The following CLDN10 variants were observed in gnomAD, a reference collection of about 807,000 sequenced individuals.
The protein encoded by CLDN10 is claudin 10.
In CLDN10, 15 loss-of-function variants were observed where a neutral mutation model predicts 22.9. The observed-to-expected ratio is 0.65, with a 90% CI of 0.44 to 1.01. The LOEUF (loss-of-function observed/expected upper bound fraction) is 1.01, where lower values mean the gene tolerates loss of function less well. Ranked by LOEUF, CLDN10 falls within the 50% of genes least tolerant of loss-of-function variation. CLDN10 has a pLI of 0.00. For synonymous variants in CLDN10, 114 were observed against 111.4 expected, an observed-to-expected ratio of 1.02 and a Z score of -0.15; for missense variants, 247 against 287.8, an observed-to-expected ratio of 0.86 and a Z score of 1.03.
intron 1 of CLDN10, among the ~76,000 whole-genome samples, chr13:95,546,185 A>C (rs1384130178): frequency 1.3e-5 from 2 of 152,158 alleles, no homozygotes; most frequent in African/African-American, 4.8e-5. Context: ...AACTGTCTTA[A>C]TGCATTTTGT....
At chr13:95,560,494 C>T in intron 3 of CLDN10, 31 bp downstream of exon 3, 1 of 1,522,564 alleles carries the variant, frequency 6.6e-7, no homozygotes, top group Non-Finnish European at 9.1e-7. Flanking sequence ...GTTTCCAGCT[C>T]ACAGGAAGTG....
At chr13:95,560,533 A>T in intron 3 of CLDN10, 70 bp downstream of exon 3, 2 of 1,238,738 alleles carry the variant, frequency 1.6e-6, no homozygotes, top group Non-Finnish European at 2.3e-6. Flanking sequence ...CAACCAAGAG[A>T]CATGAATTTC....
At chr13:95,455,679 T>C (rs892790210) in intron 1 of CLDN10, among the ~76,000 whole-genome samples, 2 of 152,256 alleles carry the variant, frequency 1.3e-5, no homozygotes, top group African/African-American at 4.8e-5. Context: ...GTTTGCATTT[T>C]ACCTTTCATT....
intron 1 of CLDN10, among the ~76,000 whole-genome samples, chr13:95,506,823 C>T (rs527886402): frequency 1.6e-4 from 25 of 152,292 alleles, no homozygotes; most frequent in African/African-American, 5.5e-4. Context: ...ACCCCACAAA[C>T]TCCTAAAAGT....
intron 1 of CLDN10, among the ~76,000 whole-genome samples, chr13:95,447,347 C>A (rs937920275): frequency 1.3e-5 from 2 of 152,212 alleles, no homozygotes; most frequent in African/African-American, 4.8e-5. Flanking sequence ...CCTTCCTTGA[C>A]GCGGCGCCTG....
At chr13:95,465,882 T>C (rs1469712573) in intron 1 of CLDN10, among the ~76,000 whole-genome samples, 2 of 152,230 alleles carry the variant, frequency 1.3e-5, no homozygotes, top group Non-Finnish European at 2.9e-5. Context: ...ACTTGGATTT[T>C]GTCAAATGTA....
intron 1 of CLDN10, among the ~76,000 whole-genome samples, chr13:95,496,283 T>C (rs2138527556): frequency 6.6e-6 from 1 of 152,348 alleles, no homozygotes; most frequent in East Asian, 1.9e-4. Context: ...CTTTGAGATA[T>C]TCATAAGTGG....
chr13:95,456,578 C>T (rs561953037), intron 1 of CLDN10, among the ~76,000 whole-genome samples: 10 of 152,022 alleles, frequency 6.6e-5, no homozygotes, highest in Admixed American at 2.0e-4. Flanking sequence ...CATAATAAGA[C>T]GCCTGTCTCC....
intron 1 of CLDN10, among the ~76,000 whole-genome samples, chr13:95,452,076 G>A (rs1255361467): frequency 2.0e-5 from 3 of 152,112 alleles, no homozygotes; most frequent in African/African-American, 7.2e-5. Flanking sequence ...ATCTATTCTG[G>A]AATTTTCCTA....
chr13:95,562,372 C>A (rs1404083368), intron 3 of CLDN10, among the ~76,000 whole-genome samples: 1 of 152,172 alleles, frequency 6.6e-6, no homozygotes, highest in East Asian at 1.9e-4. Flanking sequence ...CATGCCCAGC[C>A]TTTTCTATAC....
chr13:95,566,413 T>A (rs2043788384), intron 3 of CLDN10, among the ~76,000 whole-genome samples: 1 of 152,248 alleles, frequency 6.6e-6, no homozygotes, highest in Non-Finnish European at 1.5e-5. Flanking sequence ...GTTGGCTGCA[T>A]AAATGTCTTC....
intron 3 of CLDN10, among the ~76,000 whole-genome samples, chr13:95,564,765 A>G (rs1299448692): frequency 5.3e-5 from 8 of 152,294 alleles, no homozygotes; most frequent in Non-Finnish European, 2.9e-5. Context: ...GATGAGGAAA[A>G]AATGAGTGGC....
chr13:95,437,977 C>T (rs1041494784), intron 1 of CLDN10, among the ~76,000 whole-genome samples: 1 of 152,190 alleles, frequency 6.6e-6, no homozygotes, highest in Non-Finnish European at 1.5e-5. Context: ...AGAAGTTTCC[C>T]AAAGAATTAT....
intron 1 of CLDN10, among the ~76,000 whole-genome samples, chr13:95,444,423 C>A (rs1028139790): frequency 3.7e-4 from 56 of 152,348 alleles, no homozygotes; most frequent in Non-Finnish European, 3.1e-4. Flanking sequence ...AATCATTCAG[C>A]AGATTCCTGG....
At chr13:95,498,828 C>G (rs777590233) in intron 1 of CLDN10, among the ~76,000 whole-genome samples, 1 of 152,234 alleles carries the variant, frequency 6.6e-6, no homozygotes, top group Non-Finnish European at 1.5e-5. Context: ...CAAGCAATTT[C>G]CAGAACTTTT....
intron 1 of CLDN10, among the ~76,000 whole-genome samples, chr13:95,437,737 G>A (rs898006923): frequency 6.6e-6 from 1 of 152,216 alleles, no homozygotes; most frequent in East Asian, 1.9e-4. Flanking sequence ...TGAGGAGCGA[G>A]TGAGGAAATG....
chr13:95,518,425 A>G (rs1193866556), intron 1 of CLDN10, among the ~76,000 whole-genome samples: 3 of 152,128 alleles, frequency 2.0e-5, no homozygotes, highest in Non-Finnish European at 4.4e-5. Context: ...GGATTTACCA[A>G]CTGCAGTCAT....
At chr13:95,434,611 AAT>A (rs1422570894) in intron 1 of CLDN10, among the ~76,000 whole-genome samples, 12 of 150,740 alleles carry the variant, frequency 8.0e-5, no homozygotes, top group African/African-American at 2.7e-4. Flanking sequence ...TATCTATATG[AAT>A]ATATATACAT....
At chr13:95,453,593 A>T (rs1458287722) in intron 1 of CLDN10, among the ~76,000 whole-genome samples, 1 of 152,156 alleles carries the variant, frequency 6.6e-6, no homozygotes, top group African/African-American at 2.4e-5. Flanking sequence ...CTCAGGCAGG[A>T]GACTCACTTG....
Sources: allele counts gnomAD v4.1 joint callset (sites outside exome capture counted in the v4.1 genomes callset), GRCh38; gene constraint gnomAD v4.1.1; transcripts MANE v1.5; gene names NCBI Gene and HGNC (gene_info 2026-07-23, HGNC 2026-07-21).